NOTCH4: variants seen among roughly 807,000 people sequenced by gnomAD.
NOTCH4 encodes notch receptor 4.
NOTCH4 carries 138 observed loss-of-function variants against 189.0 expected under a neutral mutation model. The observed-to-expected ratio is 0.73, with a 90% CI of 0.64 to 0.84. NOTCH4 has a LOEUF of 0.84. Ranked by LOEUF, NOTCH4 falls within the 40% of genes least tolerant of loss-of-function variation. NOTCH4 has a pLI of 0.00. For synonymous variants in NOTCH4, 942 were observed against 1,032.8 expected, an observed-to-expected ratio of 0.91 and a Z score of 1.69; for missense variants, 2,286 against 2,605.4, an observed-to-expected ratio of 0.88 and a Z score of 2.67.
Position 32,217,257 on chromosome 6 carries a change from C to T in NOTCH4, c.1634G>A (p.Gly545Asp), listed in dbSNP as rs2127483322. Residue 545 changes from glycine (G) to aspartate (D), a missense_variant, in exon 10 of 30, where the codon GGC (glycine) becomes GAC (aspartate). Coordinates refer to ENST00000375023, the MANE Select transcript of NOTCH4 (RefSeq NM_004557.4). This position sits in a 1 kb window ranked among gnomAD's most constrained non-coding sequence, Gnocchi z 4.2. ...FQCICLPGFS[G>D]TRCEEDIDEC... ...ATCGATATCCTCCTCACATCGGGTG[C>T]CGGAGAATCCTGGTGGGGCGGAAGT... is the stretch of plus-strand genomic sequence containing the variant. 1 of 1,611,864 alleles carries T rather than the reference C, an allele frequency of 6.2e-7. No homozygotes were observed. Among genetic ancestry groups the T allele is most frequent in the Non-Finnish European group, 8.5e-7 (1 of 1,179,106 alleles).
Position 32,214,272 on chromosome 6 carries a change from A to C in NOTCH4, c.2022-17T>G. On this transcript the variant is annotated splice_polypyrimidine_tract_variant and intron_variant, in intron 12 of 29. Coordinates refer to ENST00000375023, the MANE Select transcript of NOTCH4 (RefSeq NM_004557.4). Reference sequence around the variant, plus strand: ...CATGAGGATCTGGTTGTAAAGAGAAAGGGGAGGGTTTTTCTCTTCTCCTAC... The same window carrying C: ...CATGAGGATCTGGTTGTAAAGAGAACGGGGAGGGTTTTTCTCTTCTCCTAC... The C allele has an allele frequency of 6.2e-7, 1 of 1,611,298 alleles. No homozygotes were observed. Among genetic ancestry groups the C allele is most frequent in the African/African-American group, 1.3e-5 (1 of 74,814 alleles).
Position 32,201,648 on chromosome 6 carries a change from G to C in NOTCH4, c.3756-148C>G. On this transcript the variant is annotated intron_variant, in intron 21 of 29. Transcript: ENST00000375023. This position sits in a 1 kb window ranked among gnomAD's most constrained non-coding sequence, Gnocchi z 5.5. ...GGAGCAATGAGCTTAGTCAAGTCCTGGATGGTAGTCCAGACACCCCAATGT... is the reference window on the plus strand; with the variant it reads ...GGAGCAATGAGCTTAGTCAAGTCCTCGATGGTAGTCCAGACACCCCAATGT... The C allele has an allele frequency of 1.5e-6, 1 of 674,150 alleles. No homozygotes were observed. The highest frequency in any genetic ancestry group is 2.2e-6 in the Non-Finnish European group (1 of 452,882). The allele number at this position is 674,150 out of a possible 1,614,324, so 41.8% of individuals were successfully genotyped here. A position where few individuals can be genotyped will look rare whatever the true frequency, so the allele number is the denominator to read the frequency against.
chr6:32,212,763 C>T lies in NOTCH4; in HGVS notation c.2526+61G>A. On this transcript the variant is annotated intron_variant, in intron 16 of 29. Coordinates refer to ENST00000375023, the MANE Select transcript of NOTCH4 (RefSeq NM_004557.4). This position sits in a 1 kb window ranked among gnomAD's most constrained non-coding sequence, Gnocchi z 4.4. Reference sequence around the variant, plus strand: ...CTGAATGGCCTGGGACCAGGTGACCCTCCCTGGTTTCCCTCCCAGCCACTT... The same window carrying T: ...CTGAATGGCCTGGGACCAGGTGACCTTCCCTGGTTTCCCTCCCAGCCACTT... 6.9e-7 allele frequency: 1 copy of T among 1,453,016 alleles called. No homozygotes were observed. Among genetic ancestry groups the T allele is most frequent in the South Asian group, 1.4e-5 (1 of 72,940 alleles). 90.0% of individuals were successfully genotyped at this position (1,453,016 alleles called of 1,614,324 possible). A position where few individuals can be genotyped will look rare whatever the true frequency, so the allele number is the denominator to read the frequency against.
intron 15 of NOTCH4, 82 bp downstream of exon 15, chr6:32,213,053 C>G: frequency 1.5e-6 from 2 of 1,299,122 alleles, no homozygotes; most frequent in Non-Finnish European, 1.1e-6. Context: ...GGGAGGCAGC[C>G]TGGAACCCAG....
At chr6:32,220,336 C>T (rs373068893) in intron 6 of NOTCH4, 52 bp from the exon 7 acceptor site, 2 of 1,610,084 alleles carry the variant, frequency 1.2e-6, no homozygotes, top group Non-Finnish European at 1.7e-6. Context: ...AAGCTCCTAG[C>T]AGTCCTCCTG....
intron 17 of NOTCH4, among the ~76,000 whole-genome samples, chr6:32,211,635 A>C (rs1789029313): frequency 6.8e-6 from 1 of 148,010 alleles, no homozygotes; most frequent in African/African-American, 2.5e-5. Context: ...ATAAATAAAT[A>C]AATAAATAAG....
intron 15 of NOTCH4, 95 bp downstream of exon 15, chr6:32,213,040 G>A (rs906865931): frequency 4.0e-6 from 5 of 1,258,574 alleles, no homozygotes; most frequent in African/African-American, 1.5e-5. Flanking sequence ...CGAGGTGTGG[G>A]GTGGGAGGCA....
Position 32,217,625 on chromosome 6 carries a change from A to T in NOTCH4, c.1625-359T>A, listed in dbSNP as rs1378370452. 6.6e-6 allele frequency among the ~76,000 whole-genome samples: 1 copy of T among 152,222 alleles called. No individual in the cohort carries two copies. The highest frequency in any genetic ancestry group is 2.4e-5 in the African/African-American group (1 of 41,460). ...TAAGTGGTGAATAAGTGTAGTTATTATAATAGCAGGGGACAGAGGAGTGTC... is the reference window on the plus strand; with the variant it reads ...TAAGTGGTGAATAAGTGTAGTTATTTTAATAGCAGGGGACAGAGGAGTGTC... On this transcript the variant is annotated intron_variant, in intron 9 of 29. Coordinates refer to ENST00000375023, the MANE Select transcript of NOTCH4 (RefSeq NM_004557.4). This position sits in a 1 kb window ranked among gnomAD's most constrained non-coding sequence, Gnocchi z 4.2.
rs745492515 is a variant in NOTCH4, at chr6:32,215,217, A to T, written c.2021+9T>A. The stretch of plus-strand genomic sequence containing the variant: ...AGGGGGCAGATGGGGAGGGTCTGGA[A>T]GATGTTACCTCTGGCAGTGCCCGTG... On this transcript the variant is annotated intron_variant, in intron 12 of 29. Coordinates refer to ENST00000375023, the MANE Select transcript of NOTCH4 (RefSeq NM_004557.4). 6.3e-7 allele frequency: 1 copy of T among 1,588,678 alleles called. No homozygotes were observed. Among genetic ancestry groups the T allele is most frequent in the Non-Finnish European group, 8.6e-7 (1 of 1,169,354 alleles).
rs1286905679 is a variant in NOTCH4 at position 32,220,139 on chromosome 6, C to T, written c.1305G>A (p.Glu435=). The T allele has an allele frequency of 6.2e-7, 1 of 1,613,606 alleles. No individual in the cohort carries two copies. The highest frequency in any genetic ancestry group is 8.5e-7 in the Non-Finnish European group (1 of 1,179,968). The change falls in exon 7 of 30, where the codon GAG becomes GAA. Residue 435 remains glutamate, a synonymous_variant. Transcript: ENST00000375023. ...TGGGAGTGGCCTCACCCATCAGACA[C>T]TCGTCCAGGTCCTGGTGGCAGGTGG... is the stretch of plus-strand genomic sequence containing the variant. ...SGPTCHQDLD[E]CLMAQQGPSP...
rs2127477313 is a variant in NOTCH4 at position 32,212,535 on chromosome 6, T to G, written c.2619A>C (p.Gly873=). The change falls in exon 17 of 30, where the codon GGA becomes GGC. Residue 873 remains glycine, a synonymous_variant. Coordinates refer to ENST00000375023, the MANE Select transcript of NOTCH4 (RefSeq NM_004557.4). This position sits in a 1 kb window ranked among gnomAD's most constrained non-coding sequence, Gnocchi z 4.4. ...GAAGGTTGCAGAGAGGCCCGGTCCA[T>G]CCCTGGAGGCACAAGCAGTGGAAGG... ...GPSFHCLCLQ[G]WTGPLCNLPL... is the part of the protein sequence containing the mutation. The G allele has an allele frequency of 6.2e-7, 1 of 1,613,122 alleles. No homozygotes were observed. The highest frequency in any genetic ancestry group is 8.5e-7 in the Non-Finnish European group (1 of 1,179,988).
rs751835917 is a variant in NOTCH4, at chr6:32,212,575, A to T, written c.2579T>A (p.Leu860His). Reference sequence around the variant, plus strand: ...GCAGTGGAAGGAGGGCCCAGTCTGGAGGCAGTGGGAATTGCGTGGGCAGGG... The same window carrying T: ...GCAGTGGAAGGAGGGCCCAGTCTGGTGGCAGTGGGAATTGCGTGGGCAGGG... ...QKPCPRNSHC[L>H]QTGPSFHCLC... The change falls in exon 17 of 30, where the codon CTC becomes CAC. Residue 860 changes from leucine to histidine, a missense_variant. Around this residue, in one of 2 missense-constraint regions of NOTCH4, gnomAD observed 1,903 missense variants for 2,261.9 expected, o/e 0.84. Transcript: ENST00000375023. The surrounding 1 kb of genome is among the most constrained non-coding windows in gnomAD (Gnocchi z 4.4). 6.2e-7 allele frequency: 1 copy of T among 1,613,104 alleles called. No individual in the cohort carries two copies. Among genetic ancestry groups the T allele is most frequent in the Non-Finnish European group, 8.5e-7 (1 of 1,179,974 alleles).
At chr6:32,209,894 GA>G (rs36069395) in intron 18 of NOTCH4, among the ~76,000 whole-genome samples, 28,113 of 92,902 alleles carry the variant, frequency 0.3, 2,751 homozygotes, top group South Asian at 0.42. Context: ...AAACGAGAGA[GA>G]AAAAAAAAAA....
Position 32,195,813 on chromosome 6 carries a change from G to T in NOTCH4, c.5636C>A (p.Ala1879Asp). 9.4e-6 allele frequency: 15 copies of T among 1,601,778 alleles called. No homozygotes were observed. The highest frequency in any genetic ancestry group is 1.2e-5 in the Non-Finnish European group (14 of 1,179,184). The stretch of plus-strand genomic sequence containing the variant: ...AGCCAAGTCTACGGACCAAGTCCGA[G>T]CCTGCAGACAAGCTCCGCCCCCACG... ...GPRGGGACLQ[A>D]RTWSVDLAAR... Residue 1879 changes from alanine (A) to aspartate (D), a missense_variant, in exon 30 of 30, where the codon GCT becomes GAT. Ala to Asp is a moderately radical substitution (Grantham distance 126). Around this residue, in one of 2 missense-constraint regions of NOTCH4, gnomAD observed 383 missense variants for 343.5 expected, o/e 1.11. Transcript: ENST00000375023. The surrounding 1 kb of genome is among the most constrained non-coding windows in gnomAD (Gnocchi z 5.4).
intron 18 of NOTCH4, among the ~76,000 whole-genome samples, chr6:32,207,961 G>A (rs939105222): frequency 7.6e-5 from 11 of 143,992 alleles, no homozygotes; most frequent in African/African-American, 2.1e-4. Context: ...TCAAATTTGC[G>A]CCACTGCACT....
In NOTCH4 at chr6:32,221,353, T is replaced by C. The variant is rs767276277; in HGVS notation, c.452-28A>G. 5 of 1,567,088 alleles carry C rather than the reference T, an allele frequency of 3.2e-6. No individual in the cohort carries two copies. The highest frequency in any genetic ancestry group is 3.5e-6 in the Non-Finnish European group (4 of 1,145,636). ...GAGGCAGAGGACAGAGGGAGCCGTT[T>C]CTAGCATTGTACGAATTCTAGCCCA... On this transcript the variant is annotated intron_variant, in intron 3 of 29. Coordinates refer to ENST00000375023, the MANE Select transcript of NOTCH4 (RefSeq NM_004557.4). The surrounding 1 kb of genome is among the most constrained non-coding windows in gnomAD (Gnocchi z 4.3).
Position 32,196,565 on chromosome 6 carries a change from G to T in NOTCH4, c.5201-144C>A, listed in dbSNP as rs367886237. On this transcript the variant is annotated intron_variant, in intron 28 of 29. Transcript: ENST00000375023. The stretch of plus-strand genomic sequence containing the variant: ...GGGAAGCGTTGCCCAGGAGACCACC[G>T]GCCTGCAGGAAGTGTTGCCCTGGTG... The T allele has an allele frequency of 1.8e-4, 189 of 1,050,050 alleles. 2 individuals carry two copies. The South Asian group carries it at 2.7e-3, about 15-fold the overall frequency. The allele number at this position is 1,050,050 out of a possible 1,614,324, so 65.0% of individuals were successfully genotyped here. A position where few individuals can be genotyped will look rare whatever the true frequency, so the allele number is the denominator to read the frequency against.
At chr6:32,206,584 G>A (rs1788691778) in intron 18 of NOTCH4, among the ~76,000 whole-genome samples, 1 of 152,120 alleles carries the variant, frequency 6.6e-6, no homozygotes, top group Admixed American at 6.5e-5. Flanking sequence ...CTGTGTTCAT[G>A]GATTGGAAGA....
In NOTCH4 at chr6:32,215,610, C is replaced by T. The variant is rs372231517; in HGVS notation, c.1862-225G>A. ...GCAGGACATGACATTTGTACAACAG[C>T]TGTGTTTCTCATCTTTGCCTTGCTG... is the stretch of plus-strand genomic sequence containing the variant. On this transcript the variant is annotated intron_variant, in intron 11 of 29. Coordinates refer to ENST00000375023, the MANE Select transcript of NOTCH4 (RefSeq NM_004557.4). Among the ~76,000 whole-genome samples the T allele has an allele frequency of 8.5e-5, 13 of 152,312 alleles. No homozygotes were observed. In the East Asian group the frequency reaches 2.3e-3, roughly 27 times the overall value.
Sources: allele counts gnomAD v4.1 joint callset (sites outside exome capture counted in the v4.1 genomes callset), GRCh38; gene constraint gnomAD v4.1.1; regional missense constraint gnomAD v4.1.1; non-coding constraint Gnocchi (gnomAD v3.1); transcripts MANE v1.5; gene names NCBI Gene and HGNC (gene_info 2026-07-23, HGNC 2026-07-21).